The following TSPAN18 variants were observed in gnomAD, a reference collection of about 807,000 sequenced individuals.
TSPAN18 encodes tetraspanin-18.
TSPAN18 carries 14 observed loss-of-function variants against 27.3 expected under a neutral mutation model. That is an observed-to-expected ratio of 0.51 (90% CI 0.34 to 0.80). The LOEUF is 0.80. Ranked by LOEUF, TSPAN18 falls within the 30% of genes least tolerant of loss-of-function variation. The pLI, the probability that TSPAN18 is intolerant of heterozygous loss-of-function variation, is 0.01. For missense variants in TSPAN18, 268 were observed against 323.9 expected, an observed-to-expected ratio of 0.83 and a Z score of 1.32; for synonymous variants, 143 against 136.5, an observed-to-expected ratio of 1.05 and a Z score of -0.33.
chr11:44,823,990 C>G (rs138517614), intron 2 of TSPAN18, among the ~76,000 whole-genome samples: 132 of 152,272 alleles, frequency 8.7e-4, no homozygotes, highest in Admixed American at 2.3e-3. Flanking sequence ...GTACTAGAGT[C>G]CCGTGCTGTA....
intron 2 of TSPAN18, among the ~76,000 whole-genome samples, chr11:44,773,624 C>T (rs540027255): frequency 2.0e-5 from 3 of 152,236 alleles, no homozygotes; most frequent in South Asian, 2.1e-4. Context: ...CCTGGAAGGA[C>T]GGCTTCCACT....
At chr11:44,787,883 G>A (rs1386003163) in intron 2 of TSPAN18, among the ~76,000 whole-genome samples, 2 of 151,080 alleles carry the variant, frequency 1.3e-5, no homozygotes, top group African/African-American at 4.9e-5. Context: ...TTCCCAGCCT[G>A]TGTGTTTGCC....
intron 3 of TSPAN18, among the ~76,000 whole-genome samples, chr11:44,900,344 A>G (rs1336848014): frequency 6.6e-6 from 1 of 152,144 alleles, no homozygotes; most frequent in Non-Finnish European, 1.5e-5. Context: ...TGCACTTTGG[A>G]GGAGGATGGA....
intron 2 of TSPAN18, among the ~76,000 whole-genome samples, chr11:44,810,360 G>C (rs1856687091): frequency 6.6e-6 from 1 of 152,044 alleles, no homozygotes; most frequent in Non-Finnish European, 1.5e-5. Flanking sequence ...CTTCTGGGTA[G>C]TTCATATAAA....
At chr11:44,847,036 A>G (rs536878031) in intron 2 of TSPAN18, among the ~76,000 whole-genome samples, 1 of 152,324 alleles carries the variant, frequency 6.6e-6, no homozygotes, top group Admixed American at 6.5e-5. Flanking sequence ...CTTCAGCAGG[A>G]AGCAGAGGAG....
intron 2 of TSPAN18, among the ~76,000 whole-genome samples, chr11:44,774,874 A>T (rs1205823156): frequency 6.6e-6 from 1 of 152,200 alleles, no homozygotes; most frequent in Non-Finnish European, 1.5e-5. Flanking sequence ...GGGAAAAGAA[A>T]TCATTCACTT....
intron 8 of TSPAN18, among the ~76,000 whole-genome samples, chr11:44,924,155 T>G (rs905500310): frequency 2.0e-5 from 3 of 146,610 alleles, no homozygotes; most frequent in Admixed American, 6.9e-5. Context: ...GACACCCAAC[T>G]CTATGCTCAG....
At chr11:44,847,774 G>A (rs1169128722) in intron 2 of TSPAN18, among the ~76,000 whole-genome samples, 2 of 152,104 alleles carry the variant, frequency 1.3e-5, no homozygotes, top group East Asian at 1.9e-4. Flanking sequence ...AAGGGAGGAT[G>A]GGAAGGGGTT....
At chr11:44,738,273 A>G (rs1459289541) in intron 1 of TSPAN18, among the ~76,000 whole-genome samples, 1 of 152,116 alleles carries the variant, frequency 6.6e-6, no homozygotes, top group African/African-American at 2.4e-5. Flanking sequence ...TGTGTTGATT[A>G]CTTGCAGGGT....
At chr11:44,825,270 A>G (rs1375006096) in intron 2 of TSPAN18, among the ~76,000 whole-genome samples, 1 of 152,266 alleles carries the variant, frequency 6.6e-6, no homozygotes, top group Non-Finnish European at 1.5e-5. Context: ...TCCATGTGTC[A>G]GAAACTGTGT....
chr11:44,762,441 A>C (rs1410337717), intron 1 of TSPAN18, among the ~76,000 whole-genome samples: 2 of 152,204 alleles, frequency 1.3e-5, no homozygotes, highest in Non-Finnish European at 2.9e-5. Flanking sequence ...ACATGCATAC[A>C]CGTATTTGAT....
chr11:44,780,170 A>G (rs1268955767), intron 2 of TSPAN18, among the ~76,000 whole-genome samples: 1 of 151,930 alleles, frequency 6.6e-6, no homozygotes, highest in Non-Finnish European at 1.5e-5. Context: ...CACTTCAAAT[A>G]TGTCCTCCCT....
intron 3 of TSPAN18, among the ~76,000 whole-genome samples, chr11:44,889,789 C>T (rs915203556): frequency 6.6e-6 from 1 of 152,194 alleles, no homozygotes; most frequent in African/African-American, 2.4e-5. Flanking sequence ...ATCTTGTGGT[C>T]TCTGAAGCTA....
At chr11:44,895,868 C>G (rs1015043201) in intron 3 of TSPAN18, among the ~76,000 whole-genome samples, 3 of 152,172 alleles carry the variant, frequency 2.0e-5, no homozygotes, top group Non-Finnish European at 4.4e-5. Flanking sequence ...CCCATCACCC[C>G]GTCCTTGTTT....
chr11:44,864,286 C>CAA (rs34906166), intron 3 of TSPAN18, among the ~76,000 whole-genome samples: 2,136 of 91,520 alleles, frequency 0.023, 64 homozygotes, highest in African/African-American at 0.063. Flanking sequence ...GACTCCGTCT[C>CAA]AAAAAAAAAA....
intron 2 of TSPAN18, among the ~76,000 whole-genome samples, chr11:44,805,772 C>T (rs1856578810): frequency 6.6e-6 from 1 of 152,156 alleles, no homozygotes; most frequent in Admixed American, 6.5e-5. Context: ...TCTCTCCTCA[C>T]CTCTTCAGCT....
At chr11:44,750,622 C>T (rs2134853619) in intron 1 of TSPAN18, among the ~76,000 whole-genome samples, 1 of 147,896 alleles carries the variant, frequency 6.8e-6, no homozygotes, top group South Asian at 2.2e-4. Flanking sequence ...TGTTCTAGAC[C>T]ACGTGGTCTT....
chr11:44,859,973 T>G (rs1336454701), intron 2 of TSPAN18, among the ~76,000 whole-genome samples: 1 of 152,220 alleles, frequency 6.6e-6, no homozygotes, highest in Non-Finnish European at 1.5e-5. Context: ...GGACTTGCCT[T>G]GCACTCAGAC....
chr11:44,786,854 A>G (rs1051976544), intron 2 of TSPAN18, among the ~76,000 whole-genome samples: 17 of 149,330 alleles, frequency 1.1e-4, no homozygotes, highest in Non-Finnish European at 1.3e-4. Flanking sequence ...CTGGTCTTGA[A>G]CTCCTGACCT....
Sources: gnomAD v4.1 joint callset for allele counts (sites outside exome capture counted in the v4.1 genomes callset) on GRCh38, gnomAD v4.1.1 for gene constraint, MANE v1.5 for transcripts, NCBI Gene and HGNC (gene_info 2026-07-23, HGNC 2026-07-21) for gene names.